LCP1: variants seen among roughly 807,000 people sequenced by gnomAD.
LCP1 encodes the protein plastin-2.
In LCP1, 23 loss-of-function variants were observed where a neutral mutation model predicts 72.0. That is an observed-to-expected ratio of 0.32 (90% CI 0.23 to 0.45). The LOEUF (loss-of-function observed/expected upper bound fraction) is 0.45. LCP1 is among the 20% of genes least tolerant of loss of function. The pLI is 1.00. For synonymous variants in LCP1, 245 were observed against 275.4 expected, an observed-to-expected ratio of 0.89 and a Z score of 1.09; for missense variants, 571 against 748.3, an observed-to-expected ratio of 0.76 and a Z score of 2.76.
chr13:46,169,346 TA>T (rs2138277893), intron 1 of LCP1: 2 of 152,364 alleles, frequency 1.3e-5, no homozygotes, highest in South Asian at 4.1e-4. Context: ...AGGCTGCAAT[TA>T]ACATGTGCCA....
At chr13:46,157,221 AATAAT>A (rs926297670) in intron 4 of LCP1, among the ~76,000 whole-genome samples, 10 of 151,092 alleles carry the variant, frequency 6.6e-5, no homozygotes, top group African/African-American at 2.4e-4. Flanking sequence ...TAAATACATA[AATAAT>A]AAAAATATTT....
intron 7 of LCP1, 48 bp from the exon 8 acceptor site, chr13:46,151,126 G>C (rs1435492968): frequency 1.3e-6 from 2 of 1,569,204 alleles, no homozygotes; most frequent in Admixed American, 4.2e-5. Context: ...CGATGTTGGG[G>C]GAGGGGGGTT....
At chr13:46,172,642 C>T (rs534109489) in intron 1 of LCP1, among the ~76,000 whole-genome samples, 6 of 152,256 alleles carry the variant, frequency 3.9e-5, no homozygotes, top group South Asian at 4.2e-4. Flanking sequence ...GTGGTGTCAG[C>T]GTGCTGCTCG....
chr13:46,158,743 G>A (rs117524504), intron 3 of LCP1, 83 bp downstream of exon 3: 31,864 of 1,601,134 alleles, frequency 0.02, 415 homozygotes, highest in Non-Finnish European at 0.024. Flanking sequence ...AGGAGGTAAG[G>A]AATGTCTTTC....
intron 1 of LCP1, among the ~76,000 whole-genome samples, chr13:46,176,979 T>C (rs575553947): frequency 5.3e-5 from 8 of 152,228 alleles, no homozygotes; most frequent in African/African-American, 1.9e-4. Flanking sequence ...GAATCAATGC[T>C]GCAACCACAG....
At chr13:46,180,103 G>A (rs1327988602) in intron 1 of LCP1, among the ~76,000 whole-genome samples, 1 of 151,910 alleles carries the variant, frequency 6.6e-6, no homozygotes, top group Non-Finnish European at 1.5e-5. Flanking sequence ...AAATATGCTG[G>A]CCTGGAAGGG....
At chr13:46,151,200 A>G in intron 7 of LCP1, 122 bp from the exon 8 acceptor site, 1 of 920,082 alleles carries the variant, frequency 1.1e-6, no homozygotes, top group Non-Finnish European at 1.6e-6. Context: ...CTTTGGGGTA[A>G]AGGTTCTTGT....
chr13:46,142,405 C>T lies in LCP1; in HGVS notation c.1389G>A (p.Ala463=), dbSNP rs748447395. Reference sequence around the variant, plus strand: ...TCGCTTGATTCTTCCCCAATTCTACCGCGTAGTTACAATTCTCAAGCTGAA... The same window carrying T: ...TCGCTTGATTCTTCCCCAATTCTACTGCGTAGTTACAATTCTCAAGCTGAA... ...NMKKLENCNY[A]VELGKNQAKF... is the part of the protein sequence containing the mutation. Residue 463 remains alanine (A), a synonymous_variant, in exon 13 of 16, where the codon GCG becomes GCA. Transcript: ENST00000323076. The T allele has an allele frequency of 2.2e-5, 36 of 1,613,532 alleles. 1 individual carries two copies. The Middle Eastern group carries it at 4.9e-4, about 22-fold the overall frequency.
intron 13 of LCP1, 53 bp from the exon 14 acceptor site, chr13:46,134,303 T>A: frequency 6.4e-7 from 1 of 1,574,162 alleles, no homozygotes; most frequent in Admixed American, 1.7e-5. Context: ...GAATTTAATA[T>A]AAACAAAAAG....
In LCP1 at chr13:46,143,403, C is replaced by A; in HGVS notation, c.1255G>T (p.Asp419Tyr). ...VNPRVNHLYS[D>Y]LSDALVIFQL... ...AAGATGACCAGGGCATCTGATAAGT[C>A]ACTGAACAAAACAAACACAAAAGGA... is the stretch of plus-strand genomic sequence containing the variant. The change falls in exon 12 of 16, where the codon GAC (aspartate) becomes TAC (tyrosine). Residue 419 changes from aspartate to tyrosine, a missense_variant and splice_region_variant. By Grantham distance (160) the Asp-to-Tyr change is radical. Transcript: ENST00000323076. The A allele has an allele frequency of 6.2e-7, 1 of 1,606,134 alleles. No individual in the cohort carries two copies. Among genetic ancestry groups the A allele is most frequent in the South Asian group, 1.1e-5 (1 of 90,818 alleles).
Position 46,156,551 on chromosome 13 carries a change from A to G in LCP1, c.378T>C (p.Phe126=). Residue 126 remains phenylalanine, a synonymous_variant, in exon 5 of 16, where the codon TTT becomes TTC. Transcript: ENST00000323076. ...CCAGGGCTTTGTTTATCCAGTTGAC[A>G]AAGGCATACTTTTCTTCCTCTGCAA... The part of the protein sequence containing the change: ...HSYSEEEKYA[F]VNWINKALEN... 6.2e-7 allele frequency: 1 copy of G among 1,614,214 alleles called. No individual in the cohort carries two copies. Among genetic ancestry groups the G allele is most frequent in the Non-Finnish European group, 8.5e-7 (1 of 1,180,024 alleles).
chr13:46,170,800 G>A (rs760941761), intron 1 of LCP1, among the ~76,000 whole-genome samples: 3 of 152,160 alleles, frequency 2.0e-5, no homozygotes, highest in Non-Finnish European at 4.4e-5. Context: ...ACACACAGAC[G>A]TGGCTTTGGC....
chr13:46,169,181 C>T lies in LCP1; in HGVS notation c.-24-9495G>A, dbSNP rs2045892620. ...TTTCCTCTTTAATAAGTTTTAAACC[C>T]TAAGATAGGACTCTTCTCTTTAATT... On this transcript the variant is annotated intron_variant, in intron 1 of 15. Coordinates refer to ENST00000323076, the MANE Select transcript of LCP1 (RefSeq NM_002298.5). Among the ~76,000 whole-genome samples, 3 of 152,194 alleles carry T rather than the reference C, an allele frequency of 2.0e-5. No homozygotes were observed. The South Asian group carries it at 6.2e-4, about 31-fold the overall frequency.
chr13:46,133,653 A>T lies in LCP1; in HGVS notation c.1626+474T>A, dbSNP rs918702684. Among the ~76,000 whole-genome samples the T allele has an allele frequency of 7.9e-5, 12 of 151,990 alleles. No individual in the cohort carries two copies. In the South Asian group the frequency reaches 1.0e-3, roughly 13 times the overall value. The stretch of plus-strand genomic sequence containing the variant: ...AAAACAGATATGAAAAGTAAACATA[A>T]ATAATAAAAAATATTAAAAAATAAA... On this transcript the variant is annotated intron_variant, in intron 14 of 15. Coordinates refer to ENST00000323076, the MANE Select transcript of LCP1 (RefSeq NM_002298.5).
chr13:46,144,336 G>GTA (rs1566436960), intron 11 of LCP1, 106 bp downstream of exon 11: 2 of 876,544 alleles, frequency 2.3e-6, no homozygotes, highest in African/African-American at 3.3e-5. Context: ...TTCCAGCAAG[G>GTA]TATGCACATT....
rs2045743704 is a variant in LCP1, at chr13:46,148,424, C to A, written c.906G>T (p.Leu302=). The A allele has an allele frequency of 6.2e-7, 1 of 1,611,900 alleles. No homozygotes were observed. The highest frequency in any genetic ancestry group is 1.3e-5 in the African/African-American group (1 of 75,044). ...DIKDSKAYYH[L]LEQVAPKGDE... is the part of the protein sequence containing the mutation. The stretch of plus-strand genomic sequence containing the variant: ...CTCCTTTTGGAGCCACCTGCTCAAG[C>A]AGGTGGTAATAAGCTTTTGAGTCCT... Residue 302 remains leucine, a synonymous_variant, in exon 9 of 16, where the codon CTG becomes CTT. Coordinates refer to ENST00000323076, the MANE Select transcript of LCP1 (RefSeq NM_002298.5).
intron 1 of LCP1, among the ~76,000 whole-genome samples, chr13:46,162,941 C>T (rs997600454): frequency 2.6e-5 from 4 of 150,972 alleles, no homozygotes; most frequent in East Asian, 3.9e-4. Flanking sequence ...GGCGCCCCTC[C>T]GCCTGGCAGC....
chr13:46,148,585 C>T (rs1161742463), intron 8 of LCP1, 138 bp from the exon 9 acceptor site: 3 of 643,136 alleles, frequency 4.7e-6, no homozygotes, highest in East Asian at 2.7e-5. Flanking sequence ...AAGCTAGAAA[C>T]ATTCACTAAT....
chr13:46,146,894 T>C lies in LCP1; in HGVS notation c.1174+14A>G, dbSNP rs758239755. 6.2e-7 allele frequency: 1 copy of C among 1,613,734 alleles called. No homozygotes were observed. The highest frequency in any genetic ancestry group is 8.5e-7 in the Non-Finnish European group (1 of 1,179,788). On this transcript the variant is annotated intron_variant, in intron 10 of 15. Coordinates refer to ENST00000323076, the MANE Select transcript of LCP1 (RefSeq NM_002298.5). ...AGTGCCTTTCCCCATCTTAGGCAAA[T>C]CGTTTACAGTTACCTTCAAGAGCCC...
Sources: gnomAD v4.1 joint callset for allele counts (sites outside exome capture counted in the v4.1 genomes callset) on GRCh38, gnomAD v4.1.1 for gene constraint, MANE v1.5 for transcripts, NCBI Gene and HGNC (gene_info 2026-07-23, HGNC 2026-07-21) for gene names.